PTP4A2: variants seen among roughly 807,000 people sequenced by gnomAD.
PTP4A2 encodes protein tyrosine phosphatase type IVA 2.
In PTP4A2, 2 loss-of-function variants were observed where a neutral mutation model predicts 22.9. The ratio of observed to expected loss-of-function variants is 0.09; its 90% CI spans 0.04 to 0.27. PTP4A2 has a LOEUF of 0.27. Ranked by LOEUF, PTP4A2 falls within the 10% of genes least tolerant of loss-of-function variation. The pLI is 1.00. For synonymous variants in PTP4A2, 68 were observed against 69.1 expected (o/e 0.98, Z 0.08); for missense variants, 103 against 205.1 (o/e 0.50, Z 3.04).
intron 3 of PTP4A2, chr1:31,912,839 T>C (rs146854185): frequency 3.6e-5 from 9 of 249,592 alleles, no homozygotes; most frequent in East Asian, 1.9e-4. Flanking sequence ...GCATTCATTA[T>C]TGGCACCACT....
intron 1 of PTP4A2, among the ~76,000 whole-genome samples, chr1:31,926,894 A>T (rs955674140): frequency 1.3e-5 from 2 of 152,194 alleles, no homozygotes; most frequent in Non-Finnish European, 2.9e-5. Flanking sequence ...GTGACTTTTT[A>T]TCCAAGAGCT....
In PTP4A2 at chr1:31,915,990, T is replaced by TA. The variant is rs1651809557; in HGVS notation, c.97-4_97-3insT. On this transcript the variant is annotated splice_polypyrimidine_tract_variant and splice_region_variant and intron_variant, in intron 2 of 5. Transcript: ENST00000647444. ...GTCACTCCATACTTCTTAAGTTCCT[T>TA]TAAAAAAAAAAAAAATTATAATGGA... 30 of 1,543,706 alleles carry TA rather than the reference T, an allele frequency of 1.9e-5. No homozygotes were observed. Among genetic ancestry groups the TA allele is most frequent in the African/African-American group, 5.7e-5 (4 of 70,594 alleles).
chr1:31,931,449 G>C (rs549022896), intron 1 of PTP4A2, among the ~76,000 whole-genome samples: 1 of 152,252 alleles, frequency 6.6e-6, no homozygotes, highest in Admixed American at 6.5e-5. Flanking sequence ...AGTGGTAAGA[G>C]AGCAACTCTT....
chr1:31,911,258 G>A (rs1328454957), intron 4 of PTP4A2: 3 of 152,844 alleles, frequency 2.0e-5, no homozygotes, highest in Non-Finnish European at 4.4e-5. Flanking sequence ...TCTAAGCAAT[G>A]CTCAGGGGAA....
chr1:31,922,465 AAG>A (rs1338216213), intron 1 of PTP4A2, among the ~76,000 whole-genome samples: 1 of 152,190 alleles, frequency 6.6e-6, no homozygotes, highest in Non-Finnish European at 1.5e-5. Context: ...CCTGGGCAAC[AAG>A]AGAGAAACTC....
At chr1:31,915,806 T>G (rs1651800071) in intron 3 of PTP4A2, 89 bp downstream of exon 3, 2 of 809,362 alleles carry the variant, frequency 2.5e-6, no homozygotes. Context: ...GGATTATAGG[T>G]GTGAGCCAGT....
Position 31,911,685 on chromosome 1 carries a change from TA to T in PTP4A2, c.320+10del. The T allele has an allele frequency of 6.4e-7, 1 of 1,564,736 alleles. No homozygotes were observed. Among genetic ancestry groups the T allele is most frequent in the Non-Finnish European group, 8.6e-7 (1 of 1,161,460 alleles). On this transcript the variant is annotated intron_variant, in intron 4 of 5. Transcript: ENST00000647444. The stretch of plus-strand genomic sequence containing the variant: ...ATTCAGACAAAAAGGGTAATAAAGG[TA>T]AGAGTTTACCTTCCCAATCCTGCAA...
chr1:31,910,363 A>G, intron 4 of PTP4A2: 1 of 328,838 alleles, frequency 3.0e-6, no homozygotes, highest in Non-Finnish European at 5.7e-6. Flanking sequence ...ATCACGGCTC[A>G]CCGCAGCCTC....
chr1:31,932,696 G>A (rs1364661014), intron 1 of PTP4A2: 3 of 152,216 alleles, frequency 2.0e-5, no homozygotes, highest in Non-Finnish European at 4.4e-5. Flanking sequence ...CTCCACAATG[G>A]GGAACTGTGG....
chr1:31,933,498 G>A (rs1305088027), intron 1 of PTP4A2, among the ~76,000 whole-genome samples: 1 of 152,190 alleles, frequency 6.6e-6, no homozygotes, highest in East Asian at 1.9e-4. Context: ...TTGGGAGGCT[G>A]AGGCCAGCAA....
At chr1:31,918,105 C>T (rs1282617642) in intron 2 of PTP4A2, among the ~76,000 whole-genome samples, 3 of 151,794 alleles carry the variant, frequency 2.0e-5, no homozygotes, top group Admixed American at 6.6e-5. Context: ...AAAAATTAGC[C>T]GGGAGTGGTG....
At chr1:31,918,623 C>A (rs1033979720) in intron 2 of PTP4A2, among the ~76,000 whole-genome samples, 2 of 152,142 alleles carry the variant, frequency 1.3e-5, no homozygotes, top group East Asian at 3.9e-4. Context: ...GTATTTGTGA[C>A]CTTAAGCACA....
chr1:31,937,206 G>C (rs1056762021), intron 1 of PTP4A2, among the ~76,000 whole-genome samples: 1 of 152,096 alleles, frequency 6.6e-6, no homozygotes, highest in Non-Finnish European at 1.5e-5. Flanking sequence ...TTGAAGTCAT[G>C]AAACGTGGGA....
At position 31,906,833 on chromosome 1, in the gene PTP4A2, G is replaced by C. The variant is rs1187909584; in HGVS notation, c.*2019C>G. 1 of 151,350 alleles carries C rather than the reference G, an allele frequency of 6.6e-6. No homozygotes were observed. Among genetic ancestry groups the C allele is most frequent in the Non-Finnish European group, 1.5e-5 (1 of 68,034 alleles). 9.4% of individuals were successfully genotyped at this position (151,350 alleles called of 1,614,324 possible). On this transcript the variant is annotated 3_prime_UTR_variant, in exon 6 of 6. Coordinates refer to ENST00000647444, the MANE Select transcript of PTP4A2 (RefSeq NM_080391.4). ...AATTCAGAGTATGTCAAAGGAAAAA[G>C]GTTTGTTATTGTATTGATCAAAACC...
chr1:31,915,942 C>T lies in PTP4A2; in HGVS notation c.142G>A (p.Ala48Thr). ...GVTTLVRVCD[A>T]TYDKAPVEKE... ...TCAACTGGAGCTTTATCATATGTAG[C>T]ATCACAAACTCGAACCAAAGTCGTC... The change falls in exon 3 of 6, where the codon GCT becomes ACT. Residue 48 changes from alanine (A) to threonine (T), a missense_variant. Transcript: ENST00000647444. The T allele has an allele frequency of 6.2e-7, 1 of 1,607,912 alleles. No homozygotes were observed. Among genetic ancestry groups the T allele is most frequent in the Non-Finnish European group, 8.5e-7 (1 of 1,177,142 alleles).
intron 1 of PTP4A2, among the ~76,000 whole-genome samples, chr1:31,928,259 A>G (rs1291819353): frequency 6.8e-6 from 1 of 147,996 alleles, no homozygotes; most frequent in Non-Finnish European, 1.5e-5. Context: ...ATTATATACA[A>G]TATAATATTA....
At chr1:31,925,296 A>C (rs111758367) in intron 1 of PTP4A2, among the ~76,000 whole-genome samples, 312 of 152,360 alleles carry the variant, frequency 2.0e-3, no homozygotes, top group African/African-American at 7.1e-3. Context: ...CGTTCTTAAC[A>C]GTTCTATAAT....
At chr1:31,926,313 G>C (rs1652461725) in intron 1 of PTP4A2, among the ~76,000 whole-genome samples, 1 of 151,158 alleles carries the variant, frequency 6.6e-6, no homozygotes, top group African/African-American at 2.4e-5. Flanking sequence ...AAAATATAAA[G>C]GTACAATAAA....
chr1:31,926,149 A>AATAT (rs1553212254), intron 1 of PTP4A2, among the ~76,000 whole-genome samples: 52 of 131,340 alleles, frequency 4.0e-4, no homozygotes, highest in East Asian at 1.2e-3. Context: ...AAAAAAAAAA[A>AATAT]ATATATATAT....
Sources: gnomAD v4.1 joint callset for allele counts (sites outside exome capture counted in the v4.1 genomes callset) on GRCh38, gnomAD v4.1.1 for gene constraint, MANE v1.5 for transcripts, NCBI Gene and HGNC (gene_info 2026-07-23, HGNC 2026-07-21) for gene names.